The following CERS6 variants were observed in gnomAD, a reference collection of about 807,000 sequenced individuals.
The protein encoded by CERS6 is ceramide synthase 6, also known as LAG1 homolog, ceramide synthase 6.
Under a neutral mutation model 56.8 loss-of-function variants are expected in CERS6, and 26 were observed. The observed-to-expected ratio is 0.46, with a 90% CI of 0.34 to 0.63. CERS6 has a LOEUF of 0.63. Ranked by LOEUF, CERS6 falls within the 30% of genes least tolerant of loss-of-function variation. The probability of loss-of-function intolerance (pLI) is 0.01; values close to 1 mark genes in which losing one functional copy is unlikely to be tolerated. For synonymous variants in CERS6, 164 were observed against 173.3 expected (o/e 0.95, Z 0.42); for missense variants, 415 against 467.5 (o/e 0.89, Z 1.04).
chr2:168,707,714 C>T (rs570796342), intron 6 of CERS6, among the ~76,000 whole-genome samples: 3 of 152,266 alleles, frequency 2.0e-5, no homozygotes, highest in African/African-American at 7.2e-5. Flanking sequence ...GGTTATGATT[C>T]TCCTCAAATT....
intron 4 of CERS6, among the ~76,000 whole-genome samples, chr2:168,640,399 C>T (rs891544826): frequency 6.6e-6 from 1 of 152,186 alleles, no homozygotes; most frequent in Non-Finnish European, 1.5e-5. Flanking sequence ...CAAAGAGCTT[C>T]TGTTCATACT....
intron 4 of CERS6, among the ~76,000 whole-genome samples, chr2:168,650,255 G>T (rs1403606902): frequency 6.6e-6 from 1 of 152,128 alleles, no homozygotes; most frequent in Non-Finnish European, 1.5e-5. Flanking sequence ...GCAGACACTG[G>T]AGTTGGTGTC....
intron 4 of CERS6, among the ~76,000 whole-genome samples, chr2:168,659,307 A>G (rs1685568696): frequency 6.6e-6 from 1 of 152,206 alleles, no homozygotes; most frequent in Admixed American, 6.5e-5. Context: ...AAATAGTTCA[A>G]AAGAACATGA....
intron 4 of CERS6, among the ~76,000 whole-genome samples, chr2:168,663,037 C>A (rs905475430): frequency 2.6e-5 from 4 of 152,126 alleles, no homozygotes; most frequent in African/African-American, 7.2e-5. Context: ...CCTTTAGTAT[C>A]TTGGTAAAGC....
At chr2:168,667,729 C>T (rs890078060) in intron 4 of CERS6, among the ~76,000 whole-genome samples, 2 of 152,098 alleles carry the variant, frequency 1.3e-5, no homozygotes, top group African/African-American at 2.4e-5. Flanking sequence ...GGGTGTGAGC[C>T]TCCGTTAATT....
chr2:168,537,917 C>A (rs1695294590), intron 1 of CERS6, among the ~76,000 whole-genome samples: 1 of 152,304 alleles, frequency 6.6e-6, no homozygotes, highest in East Asian at 1.9e-4. Context: ...AGCCCAACCC[C>A]CATGCCAGGG....
intron 1 of CERS6, among the ~76,000 whole-genome samples, chr2:168,466,037 C>T (rs1693867606): frequency 6.7e-6 from 1 of 149,074 alleles, no homozygotes; most frequent in African/African-American, 2.5e-5. Flanking sequence ...CTGCTTAATT[C>T]CCCTCAAATC....
At chr2:168,700,148 T>G (rs967534891) in intron 6 of CERS6, among the ~76,000 whole-genome samples, 1 of 152,200 alleles carries the variant, frequency 6.6e-6, no homozygotes, top group African/African-American at 2.4e-5. Flanking sequence ...CAGAGAGAGA[T>G]ATGATTAAGT....
Position 168,593,429 on chromosome 2 carries a change from G to A in CERS6, c.407+32107G>A, listed in dbSNP as rs142879703. 4.6e-3 allele frequency among the ~76,000 whole-genome samples: 695 copies of A among 152,272 alleles called. 6 individuals carry two copies. Among genetic ancestry groups the A allele is most frequent in the Middle Eastern group, 0.017 (5 of 294 alleles). On this transcript the variant is annotated intron_variant, in intron 3 of 9. Coordinates refer to ENST00000305747, the MANE Select transcript of CERS6 (RefSeq NM_203463.3). ...AACCGCAGTTTTCTTGATTAATCCC[G>A]TAAGTGGCAAAGTGACTTAAATAAG...
In CERS6 at chr2:168,536,173, T is replaced by C. The variant is rs151201229; in HGVS notation, c.171-11423T>C. On this transcript the variant is annotated intron_variant, in intron 1 of 9. Transcript: ENST00000305747. Reference sequence around the variant, plus strand: ...CTATGATGACAGAGTATTTTAGTGGTCAACCTAAATAATTCAATTCTTCAG... The same window carrying C: ...CTATGATGACAGAGTATTTTAGTGGCCAACCTAAATAATTCAATTCTTCAG... 1.1e-4 allele frequency among the ~76,000 whole-genome samples: 16 copies of C among 152,356 alleles called. No individual in the cohort carries two copies. In the East Asian group the frequency reaches 2.3e-3, roughly 22 times the overall value.
chr2:168,731,737 CT>C lies in CERS6; in HGVS notation c.845+13761del, dbSNP rs759060995. 2.3e-3 allele frequency among the ~76,000 whole-genome samples: 357 copies of C among 152,140 alleles called. 1 individual carries two copies. The highest frequency in any genetic ancestry group is 0.014 in the Middle Eastern group (4 of 292). On this transcript the variant is annotated intron_variant, in intron 8 of 9. Coordinates refer to ENST00000305747, the MANE Select transcript of CERS6 (RefSeq NM_203463.3). ...ACCTGGTGAGTCATCCCCAGCCACC[CT>C]TGGGGATTTCTCATCAGGTTTACTG...
At chr2:168,564,819 C>T (rs16855493) in intron 3 of CERS6, among the ~76,000 whole-genome samples, 2,469 of 152,326 alleles carry the variant, frequency 0.016, 62 homozygotes, top group African/African-American at 0.054. Context: ...AACCCTGAAT[C>T]ACATGCTGCC....
At chr2:168,676,955 T>C (rs985374563) in intron 4 of CERS6, among the ~76,000 whole-genome samples, 4 of 151,838 alleles carry the variant, frequency 2.6e-5, no homozygotes, top group African/African-American at 9.7e-5. Context: ...TGTTTCCTGC[T>C]AAGCCTCCGG....
intron 3 of CERS6, among the ~76,000 whole-genome samples, chr2:168,622,792 G>A (rs2105285801): frequency 6.6e-6 from 1 of 152,360 alleles, no homozygotes; most frequent in Non-Finnish European, 1.5e-5. Context: ...TTCAGGAAAT[G>A]TTTGTCTTAA....
chr2:168,761,307 A>G (rs1297806696), intron 8 of CERS6, among the ~76,000 whole-genome samples: 14 of 152,206 alleles, frequency 9.2e-5, no homozygotes, highest in African/African-American at 3.4e-4. Flanking sequence ...ATAAATCCTG[A>G]TGCAGTGTTT....
chr2:168,555,943 A>G (rs1453499906), intron 2 of CERS6, among the ~76,000 whole-genome samples: 2 of 152,132 alleles, frequency 1.3e-5, no homozygotes, highest in East Asian at 1.9e-4. Flanking sequence ...CATACCTATA[A>G]TATCAAAAAT....
intron 8 of CERS6, among the ~76,000 whole-genome samples, chr2:168,732,044 G>T (rs1489041266): frequency 2.0e-5 from 3 of 152,158 alleles, no homozygotes; most frequent in Non-Finnish European, 4.4e-5. Context: ...TGAAGAGGTA[G>T]GGAAGAAACA....
rs577275754 is a variant in CERS6, at chr2:168,656,974, G to A, written c.465+25932G>A. Reference sequence around the variant, plus strand: ...CCTCACCAGAGCAGCTAGATACAGAGTGTCGATTGGTGCAGTCACAAACCT... The same window carrying A: ...CCTCACCAGAGCAGCTAGATACAGAATGTCGATTGGTGCAGTCACAAACCT... On this transcript the variant is annotated intron_variant, in intron 4 of 9. Transcript: ENST00000305747. Among the ~76,000 whole-genome samples, 39 of 152,250 alleles carry A rather than the reference G, an allele frequency of 2.6e-4. No individual in the cohort carries two copies. The East Asian group carries it at 3.1e-3, about 12-fold the overall frequency.
At position 168,770,831 on chromosome 2, in the gene CERS6, A is replaced by G. The variant is rs1353953119; in HGVS notation, c.*1169A>G. The G allele has an allele frequency of 6.6e-6, 1 of 152,366 alleles. No individual in the cohort carries two copies. The highest frequency in any genetic ancestry group is 1.5e-5 in the Non-Finnish European group (1 of 68,038). The allele number at this position is 152,366 out of a possible 1,614,324, so 9.4% of individuals were successfully genotyped here. A position where few individuals can be genotyped will look rare whatever the true frequency, so the allele number is the denominator to read the frequency against. ...ACTTTCCTGTTACTAAACACTGAGC[A>G]GCATTACACTACAATGCTTCTTTGG... On this transcript the variant is annotated 3_prime_UTR_variant, in exon 10 of 10. Transcript: ENST00000305747.
Sources: gnomAD v4.1 joint callset for allele counts (sites outside exome capture counted in the v4.1 genomes callset) on GRCh38, gnomAD v4.1.1 for gene constraint, MANE v1.5 for transcripts, NCBI Gene and HGNC (gene_info 2026-07-23, HGNC 2026-07-21) for gene names.